MYO3B: variants seen among roughly 807,000 people sequenced by gnomAD.
The protein encoded by MYO3B is myosin IIIB, also known as myosin-IIIb.
MYO3B carries 156 observed loss-of-function variants against 174.6 expected under a neutral mutation model. That is an observed-to-expected ratio of 0.89 (90% CI 0.78 to 1.02). The LOEUF (loss-of-function observed/expected upper bound fraction) is 1.02, where lower values mean the gene tolerates loss of function less well. Among genes scored for constraint, MYO3B ranks in the 50% least tolerant of loss-of-function variants. The pLI is 0.00. For missense variants in MYO3B, 1,632 were observed against 1,639.4 expected, an observed-to-expected ratio of 1.00 and a Z score of 0.08; for synonymous variants, 563 against 569.1, an observed-to-expected ratio of 0.99 and a Z score of 0.15.
At chr2:170,422,527 C>T (rs1255384686) in intron 22 of MYO3B, among the ~76,000 whole-genome samples, 5 of 150,216 alleles carry the variant, frequency 3.3e-5, no homozygotes, top group Admixed American at 1.3e-4. Context: ...GGCTCGATCT[C>T]GGCTCACTGC....
At chr2:170,225,229 G>T (rs2092939302) in intron 6 of MYO3B, among the ~76,000 whole-genome samples, 1 of 152,230 alleles carries the variant, frequency 6.6e-6, no homozygotes, top group Non-Finnish European at 1.5e-5. Flanking sequence ...GGGTGCTATT[G>T]CTAGTCCAAT....
rs144012571 is a variant in MYO3B at position 170,364,217 on chromosome 2, C to CCAAA, written c.816-4992_816-4989dup. 1.9e-3 allele frequency among the ~76,000 whole-genome samples: 286 copies of CCAAA among 152,092 alleles called. 1 individual carries two copies. Among genetic ancestry groups the CCAAA allele is most frequent in the African/African-American group, 6.8e-3 (281 of 41,508 alleles). On this transcript the variant is annotated intron_variant, in intron 8 of 34. Transcript: ENST00000408978. ...CTTCCAAGGATATCATTTGTGGGGCCCAAACAAACAAACAAAAAGGTCTCT... is the reference window on the plus strand; with the variant it reads ...CTTCCAAGGATATCATTTGTGGGGCCCAAACAAACAAACAAACAAAAAGGTCTCT...
At chr2:170,624,143 C>T (rs569923248) in intron 32 of MYO3B, among the ~76,000 whole-genome samples, 22 of 152,080 alleles carry the variant, frequency 1.4e-4, no homozygotes, top group Non-Finnish European at 2.4e-4. Context: ...GATGGCATTG[C>T]ATCTATAAAT....
intron 25 of MYO3B, among the ~76,000 whole-genome samples, chr2:170,477,256 A>C (rs1038150239): frequency 1.3e-5 from 2 of 152,052 alleles, no homozygotes; most frequent in African/African-American, 4.8e-5. Flanking sequence ...TTTTCTCTTC[A>C]TCTTTCAATC....
intron 23 of MYO3B, among the ~76,000 whole-genome samples, chr2:170,457,477 T>C (rs1172165972): frequency 6.6e-6 from 1 of 152,078 alleles, no homozygotes; most frequent in African/African-American, 2.4e-5. Context: ...TATTTAAAAA[T>C]TTTTTACTTT....
intron 1 of MYO3B, among the ~76,000 whole-genome samples, chr2:170,187,583 CT>C (rs1247991807): frequency 6.6e-6 from 1 of 152,094 alleles, no homozygotes; most frequent in Admixed American, 6.6e-5. Flanking sequence ...AGTTTTTCTA[CT>C]TTTTTGTATG....
intron 12 of MYO3B, among the ~76,000 whole-genome samples, chr2:170,384,533 G>C (rs1480132914): frequency 6.6e-6 from 1 of 152,094 alleles, no homozygotes; most frequent in African/African-American, 2.4e-5. Flanking sequence ...CCAGCTTTGG[G>C]GTTTGTTGAG....
At chr2:170,195,143 GCAGGAGA>G (rs2092584511) in intron 1 of MYO3B, among the ~76,000 whole-genome samples, 1 of 151,958 alleles carries the variant, frequency 6.6e-6, no homozygotes, top group African/African-American at 2.4e-5. Flanking sequence ...AGTGATATGG[GCAGGAGA>G]CAGGGAAACA....
rs73010743 is a variant in MYO3B at position 170,283,582 on chromosome 2, C to G, written c.749+47446C>G. ...CTCTTAACTGTGGTTATGGGACATA[C>G]CTTTTTGGTCTTTTGGTCCTTTGTA... On this transcript the variant is annotated intron_variant, in intron 7 of 34. Transcript: ENST00000408978. Among the ~76,000 whole-genome samples, 684 of 152,218 alleles carry G rather than the reference C, an allele frequency of 4.5e-3. 9 individuals carry two copies. Among genetic ancestry groups the G allele is most frequent in the African/African-American group, 0.016 (647 of 41,536 alleles).
chr2:170,442,691 C>T (rs575546033), intron 22 of MYO3B, among the ~76,000 whole-genome samples: 2 of 152,150 alleles, frequency 1.3e-5, no homozygotes, highest in Admixed American at 6.5e-5. Flanking sequence ...TGTGATGTTC[C>T]CCACCCTGCG....
At chr2:170,501,654 T>A in intron 27 of MYO3B, 131 bp from the exon 28 acceptor site, 1 of 620,922 alleles carries the variant, frequency 1.6e-6, no homozygotes. Context: ...TACCTCTGCT[T>A]ATTTTGTTCA....
At chr2:170,542,092 TCA>T (rs1690149345) in intron 30 of MYO3B, among the ~76,000 whole-genome samples, 2 of 132,014 alleles carry the variant, frequency 1.5e-5, no homozygotes, top group South Asian at 4.8e-4. Flanking sequence ...TTACCCAAAG[TCA>T]CATGTTTGTT....
intron 22 of MYO3B, among the ~76,000 whole-genome samples, chr2:170,429,222 A>G (rs1186277170): frequency 6.6e-6 from 1 of 152,188 alleles, no homozygotes; most frequent in Non-Finnish European, 1.5e-5. Flanking sequence ...TTAGGATTCT[A>G]TTCTTAGACT....
At chr2:170,264,897 G>C (rs2093371386) in intron 7 of MYO3B, among the ~76,000 whole-genome samples, 1 of 152,192 alleles carries the variant, frequency 6.6e-6, no homozygotes, top group Non-Finnish European at 1.5e-5. Flanking sequence ...TGAGGGTAGT[G>C]AGTGCAGCTT....
At chr2:170,482,116 T>C (rs12692952) in intron 25 of MYO3B, among the ~76,000 whole-genome samples, 150,652 of 151,918 alleles carry the variant, frequency 0.99, 74,712 homozygotes, top group East Asian at 1. Context: ...TCAGGAGATC[T>C]GATGGTTTTA....
intron 3 of MYO3B, among the ~76,000 whole-genome samples, chr2:170,201,476 C>T (rs2092661003): frequency 6.6e-6 from 1 of 152,194 alleles, no homozygotes; most frequent in East Asian, 1.9e-4. Flanking sequence ...CTGGGAGGGC[C>T]TGAGCCTGGG....
intron 14 of MYO3B, among the ~76,000 whole-genome samples, chr2:170,390,530 C>G (rs1464453886): frequency 6.6e-6 from 1 of 152,150 alleles, no homozygotes; most frequent in Non-Finnish European, 1.5e-5. Context: ...AGGGCTTTGA[C>G]AGGATAAACA....
At chr2:170,522,609 A>G (rs1314373515) in intron 30 of MYO3B, among the ~76,000 whole-genome samples, 1 of 152,210 alleles carries the variant, frequency 6.6e-6, no homozygotes, top group Non-Finnish European at 1.5e-5. Flanking sequence ...CCGACTTCTC[A>G]GGCTGCTGTT....
chr2:170,257,295 A>G (rs2093312529), intron 7 of MYO3B, among the ~76,000 whole-genome samples: 1 of 152,104 alleles, frequency 6.6e-6, no homozygotes, highest in Admixed American at 6.5e-5. Context: ...CATTCTTCTC[A>G]TCTCCATACA....
Sources: allele counts gnomAD v4.1 joint callset (sites outside exome capture counted in the v4.1 genomes callset), GRCh38; gene constraint gnomAD v4.1.1; transcripts MANE v1.5; gene names NCBI Gene and HGNC (gene_info 2026-07-23, HGNC 2026-07-21).